Variants in LAPTM5 observed in about 807,000 individuals in gnomAD.
The protein encoded by LAPTM5 is lysosomal-associated transmembrane protein 5.
In LAPTM5, 11 loss-of-function variants were observed where a neutral mutation model predicts 30.1. That is an observed-to-expected ratio of 0.37 (90% CI 0.23 to 0.60). LAPTM5 has a LOEUF of 0.60. LAPTM5 is among the 20% of genes least tolerant of loss of function. The probability of loss-of-function intolerance (pLI) is 0.71; values close to 1 mark genes in which losing one functional copy is unlikely to be tolerated. For missense variants in LAPTM5, 324 were observed against 332.5 expected, an observed-to-expected ratio of 0.97 and a Z score of 0.20; for synonymous variants, 151 against 137.9, an observed-to-expected ratio of 1.10 and a Z score of -0.67.
In LAPTM5 at chr1:30,742,494, G is replaced by A. The variant is rs762845113; in HGVS notation, c.143C>T (p.Ala48Val). The change falls in exon 2 of 8, where the codon GCG becomes GTG. Residue 48 changes from alanine (A) to valine (V), a missense_variant. Coordinates refer to ENST00000294507, the MANE Select transcript of LAPTM5 (RefSeq NM_006762.3). ...EHSVEVAHGK[A>V]SCKLSQMGYL... ...GCCCATCTGGGAGAGCTTGCAGGACGCCTTGCCATGGGCCACCTCTACTGA... is the reference window on the plus strand; with the variant it reads ...GCCCATCTGGGAGAGCTTGCAGGACACCTTGCCATGGGCCACCTCTACTGA... 1.5e-5 allele frequency: 25 copies of A among 1,613,598 alleles called. No individual in the cohort carries two copies. Among genetic ancestry groups the A allele is most frequent in the Admixed American group, 1.3e-4 (8 of 59,978 alleles).
chr1:30,749,158 A>G (rs1569869467), intron 1 of LAPTM5, among the ~76,000 whole-genome samples: 2 of 152,234 alleles, frequency 1.3e-5, no homozygotes, highest in South Asian at 2.1e-4. Flanking sequence ...TGGAGTATAC[A>G]CAGCAATGGA....
In LAPTM5 at chr1:30,737,604, C is replaced by T; in HGVS notation, c.606G>A (p.Lys202=). The T allele has an allele frequency of 6.2e-7, 1 of 1,610,638 alleles. No homozygotes were observed. ...SIAFITVLIF[K]VYMFKCVWRC... The stretch of plus-strand genomic sequence containing the variant: ...AGCCGCAGGGCAGGGATCCACTCAC[C>T]TTGAAGATAAGGACAGTGATGAAGG... Residue 202 remains lysine, a splice_region_variant and synonymous_variant, in exon 6 of 8, where the codon AAG becomes AAA. Transcript: ENST00000294507.
intron 1 of LAPTM5, among the ~76,000 whole-genome samples, chr1:30,754,118 G>A (rs1296481141): frequency 1.3e-5 from 2 of 152,216 alleles, no homozygotes; most frequent in African/African-American, 4.8e-5. Flanking sequence ...CTGGGGAAGA[G>A]GGGTCAGGAA....
At chr1:30,741,342 C>T (rs890570507) in intron 3 of LAPTM5, among the ~76,000 whole-genome samples, 2 of 152,236 alleles carry the variant, frequency 1.3e-5, no homozygotes, top group Admixed American at 1.3e-4. Context: ...CCTGCTTCCA[C>T]CTGCCGTTTA....
At chr1:30,740,013 T>A (rs1639945908) in intron 3 of LAPTM5, 76 bp from the exon 4 acceptor site, 1 of 1,451,958 alleles carries the variant, frequency 6.9e-7, no homozygotes, top group Non-Finnish European at 9.2e-7. Flanking sequence ...GATATCCTCA[T>A]GCATCCCCTT....
chr1:30,737,727 T>A (rs374364535), intron 5 of LAPTM5, 28 bp from the exon 6 acceptor site: 1 of 1,472,194 alleles, frequency 6.8e-7, no homozygotes, highest in Non-Finnish European at 9.5e-7. Flanking sequence ...GCCACATCAA[T>A]GTCTCTGGAC....
At chr1:30,741,309 TC>T (rs1418637546) in intron 3 of LAPTM5, among the ~76,000 whole-genome samples, 1 of 152,172 alleles carries the variant, frequency 6.6e-6, no homozygotes, top group African/African-American at 2.4e-5. Flanking sequence ...AAACAACACT[TC>T]CTCTTTTCAC....
Position 30,733,663 on chromosome 1 carries a change from C to G in LAPTM5, c.*165G>C. ...AGCGTTGACCCAGTTGTGAGCAGCT[C>G]ACAGGCCCTGCAGGAGGAGCAGGCC... On this transcript the variant is annotated 3_prime_UTR_variant, in exon 8 of 8. Coordinates refer to ENST00000294507, the MANE Select transcript of LAPTM5 (RefSeq NM_006762.3). 1.3e-6 allele frequency: 2 copies of G among 1,534,002 alleles called. No individual in the cohort carries two copies. The highest frequency in any genetic ancestry group is 4.9e-5 in the East Asian group (2 of 40,868).
In LAPTM5 at chr1:30,750,498, G is replaced by A. The variant is rs573126558; in HGVS notation, c.87+7161C>T. Among the ~76,000 whole-genome samples the A allele has an allele frequency of 1.5e-4, 23 of 152,232 alleles. No individual in the cohort carries two copies. In the East Asian group the frequency reaches 2.7e-3, roughly 18 times the overall value. Reference sequence around the variant, plus strand: ...GGGCCGACTGACCATACACTCTCTCGTGTCAACCTCGCGCCAGTCTTGAGA... The same window carrying A: ...GGGCCGACTGACCATACACTCTCTCATGTCAACCTCGCGCCAGTCTTGAGA... On this transcript the variant is annotated intron_variant, in intron 1 of 7. Transcript: ENST00000294507.
chr1:30,737,993 C>T (rs1442289256), intron 5 of LAPTM5, among the ~76,000 whole-genome samples: 1 of 152,190 alleles, frequency 6.6e-6, no homozygotes, highest in East Asian at 1.9e-4. Context: ...TGGGCCACAC[C>T]TATGCTCTTC....
intron 1 of LAPTM5, 125 bp downstream of exon 1, chr1:30,757,534 G>C (rs1232434369): frequency 4.0e-6 from 4 of 990,616 alleles, no homozygotes; most frequent in African/African-American, 3.2e-5. Context: ...ATTTGCCCAG[G>C]GTCCCCCAGA....
intron 3 of LAPTM5, among the ~76,000 whole-genome samples, chr1:30,741,162 T>G (rs1343960015): frequency 6.6e-6 from 1 of 152,144 alleles, no homozygotes; most frequent in East Asian, 1.9e-4. Flanking sequence ...CTGGGGGCCT[T>G]CCAGGGCGTA....
intron 1 of LAPTM5, among the ~76,000 whole-genome samples, chr1:30,750,070 C>T (rs762156936): frequency 1.5e-4 from 23 of 152,172 alleles, no homozygotes; most frequent in Non-Finnish European, 2.5e-4. Context: ...TGTGACTGGG[C>T]GCTAGCAGCT....
intron 6 of LAPTM5, 137 bp downstream of exon 6, chr1:30,737,467 A>C (rs1423693634): frequency 4.9e-6 from 3 of 611,482 alleles, no homozygotes; most frequent in Non-Finnish European, 8.7e-6. Flanking sequence ...ATGGGAAAGC[A>C]AGAGAAAGGA....
At chr1:30,751,818 T>C (rs1430191657) in intron 1 of LAPTM5, among the ~76,000 whole-genome samples, 1 of 152,122 alleles carries the variant, frequency 6.6e-6, no homozygotes, top group Non-Finnish European at 1.5e-5. Context: ...CCACCCGGCT[T>C]CGCTAGGGTC....
rs35351292 is a variant in LAPTM5, at chr1:30,735,195, C to G, written c.677G>C (p.Arg226Thr). The change falls in exon 7 of 8, where the codon AGA becomes ACA. Residue 226 changes from arginine (R) to threonine (T), a missense_variant. By Grantham distance (71) the Arg-to-Thr change is moderately conservative. Coordinates refer to ENST00000294507, the MANE Select transcript of LAPTM5 (RefSeq NM_006762.3). ...IKCMNSVEEK[R>T]NSKMLQKVVL... ...CACCTTCTGGAGCATCTTGGAGTTT[C>G]TCTTCTCCTCCACCGAGTTCATGCA... is the stretch of plus-strand genomic sequence containing the variant. 1 of 1,613,598 alleles carries G rather than the reference C, an allele frequency of 6.2e-7. No individual in the cohort carries two copies. Among genetic ancestry groups the G allele is most frequent in the Non-Finnish European group, 8.5e-7 (1 of 1,179,768 alleles).
At chr1:30,736,137 T>A (rs1045000832) in intron 6 of LAPTM5, among the ~76,000 whole-genome samples, 1 of 152,110 alleles carries the variant, frequency 6.6e-6, no homozygotes, top group African/African-American at 2.4e-5. Flanking sequence ...CCACACTGGC[T>A]TCCCCCATGA....
rs1036579258 is a variant in LAPTM5, at chr1:30,742,193, G to A, written c.181+263C>T. ...CTGACGGCTTTAAGCAGAAGAGTGA[G>A]GCTATCACCTTTACCAGCTGGTGGG... On this transcript the variant is annotated intron_variant, in intron 2 of 7. Coordinates refer to ENST00000294507, the MANE Select transcript of LAPTM5 (RefSeq NM_006762.3). 7 of 540,666 alleles carry A rather than the reference G, an allele frequency of 1.3e-5. No individual in the cohort carries two copies. The African/African-American group carries it at 1.3e-4, about 10-fold the overall frequency. 33.5% of individuals were successfully genotyped at this position (540,666 alleles called of 1,614,324 possible). A position where few individuals can be genotyped will look rare whatever the true frequency, so the allele number is the denominator to read the frequency against.
At chr1:30,738,889 T>C (rs1557461309) in intron 5 of LAPTM5, 51 bp downstream of exon 5, 2 of 1,558,872 alleles carry the variant, frequency 1.3e-6, no homozygotes, top group African/African-American at 1.3e-5. Flanking sequence ...AAGTAACCTG[T>C]TCAAGGCCAC....
Sources: gnomAD v4.1 joint callset for allele counts (sites outside exome capture counted in the v4.1 genomes callset) on GRCh38, gnomAD v4.1.1 for gene constraint, MANE v1.5 for transcripts, NCBI Gene and HGNC (gene_info 2026-07-23, HGNC 2026-07-21) for gene names.